Variants in MOV10L1 observed in about 807,000 individuals in gnomAD.
MOV10L1 encodes Mov10 like RNA helicase 1, also known as RNA helicase Mov10l1.
A neutral mutation model predicts 143.8 loss-of-function variants in MOV10L1; 110 were observed. The ratio of observed to expected loss-of-function variants is 0.76; its 90% CI spans 0.66 to 0.90. The LOEUF (loss-of-function observed/expected upper bound fraction) is 0.90, where lower values mean the gene tolerates loss of function less well. MOV10L1 is among the 40% of genes least tolerant of loss of function. MOV10L1 has a pLI of 0.00. For synonymous variants in MOV10L1, 593 were observed against 581.1 expected, an observed-to-expected ratio of 1.02 and a Z score of -0.29; for missense variants, 1,406 against 1,526.8, an observed-to-expected ratio of 0.92 and a Z score of 1.32.
At chr22:50,131,125 G>A (rs957713294) in intron 13 of MOV10L1, among the ~76,000 whole-genome samples, 1 of 149,748 alleles carries the variant, frequency 6.7e-6, no homozygotes, top group Non-Finnish European at 1.5e-5. Flanking sequence ...AGCCAGAATG[G>A]TCTCAATCTC....
rs1264788923 is a variant in MOV10L1 at position 50,127,866 on chromosome 22, A to T, written c.1819-550A>T. On this transcript the variant is annotated intron_variant, in intron 12 of 26. Transcript: ENST00000262794. The stretch of plus-strand genomic sequence containing the variant: ...TGGCTCACTGCAACCTCCGCTTCCC[A>T]GGTTCAAGAGATTCTCCTGCCTCAG... Among the ~76,000 whole-genome samples the T allele has an allele frequency of 2.7e-5, 4 of 150,922 alleles. No individual in the cohort carries two copies. The East Asian group carries it at 7.8e-4, about 29-fold the overall frequency.
At chr22:50,131,203 C>T (rs1274552383) in intron 13 of MOV10L1, among the ~76,000 whole-genome samples, 6 of 152,052 alleles carry the variant, frequency 3.9e-5, no homozygotes, top group Admixed American at 1.3e-4. Flanking sequence ...CCACCACACC[C>T]GGCCACTGAA....
chr22:50,138,001 A>G (rs548936187), intron 15 of MOV10L1, among the ~76,000 whole-genome samples: 1 of 152,178 alleles, frequency 6.6e-6, no homozygotes, highest in East Asian at 1.9e-4. Context: ...TGTGTAATAT[A>G]CCATATTAAC....
intron 2 of MOV10L1, chr22:50,093,047 C>G (rs2146995946): frequency 6.6e-6 from 1 of 152,192 alleles, no homozygotes; most frequent in East Asian, 1.9e-4. Context: ...ACTACAGGCA[C>G]CCACCACCAC....
At chr22:50,118,523 G>A (rs1043914392) in intron 9 of MOV10L1, among the ~76,000 whole-genome samples, 2 of 152,184 alleles carry the variant, frequency 1.3e-5, no homozygotes, top group African/African-American at 4.8e-5. Flanking sequence ...GCTTTGTATT[G>A]AAAACCAACC....
At chr22:50,143,372 T>G (rs2063045771) in intron 17 of MOV10L1, 151 bp downstream of exon 17, 1 of 904,888 alleles carries the variant, frequency 1.1e-6, no homozygotes, top group South Asian at 1.4e-5. Context: ...AGTCTGTTTT[T>G]GTGGATATGT....
chr22:50,111,704 C>T (rs574666086), intron 5 of MOV10L1, among the ~76,000 whole-genome samples: 1 of 151,852 alleles, frequency 6.6e-6, no homozygotes, highest in African/African-American at 2.4e-5. Context: ...GGGGTTTCAC[C>T]GTGTTAGCCA....
chr22:50,113,123 G>A (rs2062068055), intron 5 of MOV10L1, among the ~76,000 whole-genome samples: 1 of 152,220 alleles, frequency 6.6e-6, no homozygotes, highest in Non-Finnish European at 1.5e-5. Context: ...TGTAGCATCA[G>A]TAGAAGAAGG....
In MOV10L1 at chr22:50,115,127, TA is replaced by T; in HGVS notation, c.1143del (p.Gly382GlufsTer15). The T allele has an allele frequency of 6.4e-7, 1 of 1,569,652 alleles. No individual in the cohort carries two copies. The highest frequency in any genetic ancestry group is 2.1e-5 in the Admixed American group (1 of 47,058). ...TTTATTTCCCAGGTGATTGTACCTG[TA>T]AAGGAGAAAATGGAGAAAAAGACAA... ...RGISPGDCTC[K>X]GENGEKDNIL... On this transcript the variant is annotated frameshift_variant, in exon 8 of 27. Coordinates refer to ENST00000262794, the MANE Select transcript of MOV10L1 (RefSeq NM_018995.3). LOFTEE classifies it high-confidence loss of function.
chr22:50,138,887 A>G (rs924326412), intron 15 of MOV10L1, among the ~76,000 whole-genome samples: 3 of 152,128 alleles, frequency 2.0e-5, no homozygotes, highest in Admixed American at 6.5e-5. Context: ...TATTTTTAGT[A>G]GAGACAAGGT....
At position 50,149,640 on chromosome 22, in the gene MOV10L1, G is replaced by A. The variant is rs1449747115; in HGVS notation, c.2653G>A (p.Val885Met). 4 of 1,614,182 alleles carry A rather than the reference G, an allele frequency of 2.5e-6. No individual in the cohort carries two copies. Among genetic ancestry groups the A allele is most frequent in the Non-Finnish European group, 8.5e-7 (1 of 1,179,994 alleles). The part of the protein sequence containing the change: ...VRVGHFTHVF[V>M]DEAGQASEPE... Reference sequence around the variant, plus strand: ...AGTTGGGCACTTCACTCACGTGTTTGTGGACGAGGCTGGGCAGGCAAGTGA... The same window carrying A: ...AGTTGGGCACTTCACTCACGTGTTTATGGACGAGGCTGGGCAGGCAAGTGA... The change falls in exon 20 of 27, where the codon GTG becomes ATG. Residue 885 changes from valine (V) to methionine (M), a missense_variant. Physicochemically the swap from Val to Met is conservative, Grantham distance 21 (BLOSUM62 1). Coordinates refer to ENST00000262794, the MANE Select transcript of MOV10L1 (RefSeq NM_018995.3).
chr22:50,126,349 G>T, intron 12 of MOV10L1, 77 bp downstream of exon 12: 2 of 1,062,136 alleles, frequency 1.9e-6, no homozygotes, highest in South Asian at 1.4e-5. Flanking sequence ...TTCTCCCCAC[G>T]GCTCTTGGGG....
rs1244307256 is a variant in MOV10L1 at position 50,158,884 on chromosome 22, T to C, written c.3216+678T>C. ...GTCAAAGATGTTATGTTTCCTTTTT[T>C]CTGACCTCGGGGACTCGAGAGGTGA... On this transcript the variant is annotated intron_variant, in intron 23 of 26. Coordinates refer to ENST00000262794, the MANE Select transcript of MOV10L1 (RefSeq NM_018995.3). This position sits in a 1 kb window ranked among gnomAD's most constrained non-coding sequence, Gnocchi z 5.0. The C allele has an allele frequency of 6.6e-6, 1 of 152,270 alleles. No homozygotes were observed. Among genetic ancestry groups the C allele is most frequent in the Non-Finnish European group, 1.5e-5 (1 of 68,084 alleles). 9.4% of individuals were successfully genotyped at this position (152,270 alleles called of 1,614,324 possible). A position where few individuals can be genotyped will look rare whatever the true frequency, so the allele number is the denominator to read the frequency against.
intron 4 of MOV10L1, 174 bp downstream of exon 4, chr22:50,108,422 A>G: frequency 2.6e-6 from 2 of 775,932 alleles, no homozygotes; most frequent in Non-Finnish European, 4.4e-6. Context: ...GTTTGGAAAC[A>G]ATAACTCCTA....
At chr22:50,154,904 T>C (rs957109775) in intron 22 of MOV10L1, among the ~76,000 whole-genome samples, 16 of 152,356 alleles carry the variant, frequency 1.1e-4, no homozygotes, top group African/African-American at 3.6e-4. Context: ...CTTTGCCCTC[T>C]TCATTTTTTA....
At chr22:50,129,056 G>A (rs566998022) in intron 13 of MOV10L1, among the ~76,000 whole-genome samples, 224 of 152,292 alleles carry the variant, frequency 1.5e-3, no homozygotes, top group Non-Finnish European at 2.8e-3. Flanking sequence ...CACCATGCCT[G>A]TGGTTGACGT....
intron 15 of MOV10L1, among the ~76,000 whole-genome samples, chr22:50,136,504 C>G (rs1412712329): frequency 6.6e-6 from 1 of 152,214 alleles, no homozygotes; most frequent in Non-Finnish European, 1.5e-5. Flanking sequence ...CAGACATTAA[C>G]ATCAGCTATC....
intron 5 of MOV10L1, among the ~76,000 whole-genome samples, chr22:50,109,181 G>C (rs1031371575): frequency 6.6e-6 from 1 of 151,922 alleles, no homozygotes; most frequent in Non-Finnish European, 1.5e-5. Flanking sequence ...GATGTGAAAG[G>C]CCCCATATAA....
intron 15 of MOV10L1, among the ~76,000 whole-genome samples, chr22:50,139,731 T>C (rs1289080961): frequency 6.6e-6 from 1 of 152,226 alleles, no homozygotes; most frequent in Non-Finnish European, 1.5e-5. Context: ...TACCAGAGAA[T>C]ACATACAGAT....
Sources: allele counts gnomAD v4.1 joint callset (sites outside exome capture counted in the v4.1 genomes callset), GRCh38; gene constraint gnomAD v4.1.1; non-coding constraint Gnocchi (gnomAD v3.1); transcripts MANE v1.5; gene names NCBI Gene and HGNC (gene_info 2026-07-23, HGNC 2026-07-21).